MYZAP: variants seen among roughly 807,000 people sequenced by gnomAD.
MYZAP encodes the protein GRINL1A complex locus upstream.
A neutral mutation model predicts 69.4 loss-of-function variants in MYZAP; 66 were observed. That is an observed-to-expected ratio of 0.95 (90% CI 0.78 to 1.17). The LOEUF is 1.17. Ranked by LOEUF, MYZAP falls within the 50% of genes most tolerant of loss-of-function variation. The probability of loss-of-function intolerance (pLI) is 0.00; values close to 1 mark genes in which losing one functional copy is unlikely to be tolerated. For synonymous variants in MYZAP, 256 were observed against 205.9 expected (o/e 1.24, Z -2.09); for missense variants, 611 against 556.2 (o/e 1.10, Z -0.99).
intron 1 of MYZAP, among the ~76,000 whole-genome samples, chr15:57,598,538 A>C (rs191936806): frequency 3.3e-5 from 5 of 152,280 alleles, no homozygotes; most frequent in Admixed American, 2.0e-4. Flanking sequence ...CACTCCCCCT[A>C]TGTTTTCCCT....
intron 1 of MYZAP, among the ~76,000 whole-genome samples, chr15:57,592,774 C>T (rs1162857792): frequency 6.6e-6 from 1 of 152,178 alleles, no homozygotes; most frequent in Non-Finnish European, 1.5e-5. Context: ...CATCTTTTCC[C>T]ATCTCTCCAG....
intron 5 of MYZAP, among the ~76,000 whole-genome samples, chr15:57,628,950 G>T (rs2036321260): frequency 1.3e-5 from 2 of 152,020 alleles, no homozygotes; most frequent in Admixed American, 1.3e-4. Context: ...AGGCGTGGTG[G>T]CAGGCGCCTG....
chr15:57,592,031 C>G lies in MYZAP; in HGVS notation c.-4C>G, dbSNP rs544581323. On this transcript the variant is annotated 5_prime_UTR_variant, in exon 1 of 13. Coordinates refer to ENST00000267853, the MANE Select transcript of MYZAP (RefSeq NM_001018100.5). ...TCCAGCCCGCTACCGACCGCCGCTG[C>G]GGGATGCTGCGCTCCACGTCCACGG... The G allele has an allele frequency of 1.0e-5, 15 of 1,435,296 alleles. No homozygotes were observed. In the East Asian group the frequency reaches 4.3e-4, roughly 41 times the overall value. 88.9% of individuals were successfully genotyped at this position (1,435,296 alleles called of 1,614,324 possible).
chr15:57,593,882 G>T (rs1410536945), intron 1 of MYZAP, among the ~76,000 whole-genome samples: 1 of 152,148 alleles, frequency 6.6e-6, no homozygotes, highest in Non-Finnish European at 1.5e-5. Context: ...GCTGGGGATT[G>T]TGTGTGTGGT....
intron 10 of MYZAP, among the ~76,000 whole-genome samples, chr15:57,653,930 A>T (rs1251350719): frequency 7.4e-6 from 1 of 134,430 alleles, no homozygotes; most frequent in Non-Finnish European, 1.5e-5. Context: ...CATTGAGCCC[A>T]GGAGTTTGAG....
intron 12 of MYZAP, among the ~76,000 whole-genome samples, chr15:57,675,778 CA>C (rs2039085717): frequency 6.6e-6 from 1 of 152,122 alleles, no homozygotes; most frequent in Admixed American, 6.5e-5. Flanking sequence ...ACTAACTCAC[CA>C]TTCCCGGGTG....
chr15:57,610,543 G>A (rs760785833), intron 2 of MYZAP, among the ~76,000 whole-genome samples: 11 of 152,126 alleles, frequency 7.2e-5, no homozygotes, highest in South Asian at 2.1e-4. Flanking sequence ...TTTGAGTCCC[G>A]GCTTCCTCAT....
At chr15:57,614,508 G>C (rs944569460) in intron 2 of MYZAP, among the ~76,000 whole-genome samples, 5 of 152,216 alleles carry the variant, frequency 3.3e-5, no homozygotes, top group Non-Finnish European at 7.3e-5. Context: ...TGACATTTCA[G>C]CCCAGCAGTG....
chr15:57,605,142 G>A (rs1314645623), intron 2 of MYZAP, among the ~76,000 whole-genome samples: 2 of 152,144 alleles, frequency 1.3e-5, no homozygotes, highest in East Asian at 1.9e-4. Flanking sequence ...TGTATTCCAG[G>A]CACTGTTGTA....
chr15:57,634,264 G>A (rs2140446752), intron 8 of MYZAP, among the ~76,000 whole-genome samples: 1 of 152,222 alleles, frequency 6.6e-6, no homozygotes, highest in East Asian at 1.9e-4. Context: ...AAGAGGCCAG[G>A]AATTAAGTAG....
intron 1 of MYZAP, chr15:57,599,770 A>G (rs1206470625): frequency 1.7e-6 from 2 of 1,174,458 alleles, no homozygotes; most frequent in African/African-American, 3.1e-5. Flanking sequence ...AAGGTGAATG[A>G]ATGGAGGGAG....
intron 9 of MYZAP, 144 bp from the exon 10 acceptor site, chr15:57,639,296 C>T (rs1290038236): frequency 1.2e-6 from 1 of 825,800 alleles, no homozygotes; most frequent in East Asian, 2.8e-5. Flanking sequence ...GTCCTCCTGC[C>T]TTGGCCTCTT....
chr15:57,632,195 G>A (rs933848749), intron 6 of MYZAP, among the ~76,000 whole-genome samples: 1 of 152,208 alleles, frequency 6.6e-6, no homozygotes, highest in South Asian at 2.1e-4. Flanking sequence ...CTCATGTGGA[G>A]CATACCTTTG....
intron 11 of MYZAP, among the ~76,000 whole-genome samples, chr15:57,670,080 T>A (rs2038795625): frequency 6.6e-6 from 1 of 152,220 alleles, no homozygotes; most frequent in Admixed American, 6.5e-5. Flanking sequence ...AAAAAATATA[T>A]ATTTTGCTGT....
chr15:57,629,088 C>CAAAAAAAAAAAAAAAAAA (rs1274144448), intron 5 of MYZAP, among the ~76,000 whole-genome samples: 15 of 115,058 alleles, frequency 1.3e-4, no homozygotes, highest in South Asian at 2.8e-4. Flanking sequence ...GTCTCAAAAA[C>CAAAAAAAAAAAAAAAAAA]AAAAAAAAAA....
At chr15:57,652,176 C>G (rs1034152547) in intron 10 of MYZAP, among the ~76,000 whole-genome samples, 1 of 152,028 alleles carries the variant, frequency 6.6e-6, no homozygotes, top group Non-Finnish European at 1.5e-5. Flanking sequence ...CCCTCCATTC[C>G]TTCATTGATT....
At chr15:57,602,245 T>G (rs7178159) in intron 1 of MYZAP, among the ~76,000 whole-genome samples, 20,719 of 152,116 alleles carry the variant, frequency 0.14, 1,537 homozygotes, top group African/African-American at 0.18. Flanking sequence ...CACAACGCCA[T>G]TGGCTTAAAC....
At chr15:57,642,294 G>A (rs533114140) in intron 10 of MYZAP, among the ~76,000 whole-genome samples, 2 of 152,174 alleles carry the variant, frequency 1.3e-5, no homozygotes, top group Non-Finnish European at 2.9e-5. Context: ...GTTTTTGTGA[G>A]CTCAGCCTTA....
chr15:57,647,410 G>T (rs186110951), intron 10 of MYZAP: 2 of 985,258 alleles, frequency 2.0e-6, no homozygotes, highest in African/African-American at 3.5e-5. Context: ...TTTTAGGGAC[G>T]CCTTTATTGC....
Sources: allele counts gnomAD v4.1 joint callset (sites outside exome capture counted in the v4.1 genomes callset), GRCh38; gene constraint gnomAD v4.1.1; transcripts MANE v1.5; gene names NCBI Gene and HGNC (gene_info 2026-07-23, HGNC 2026-07-21).